SLC75A1: variants seen among roughly 807,000 people sequenced by gnomAD.
SLC75A1 encodes the protein major facilitator superfamily domain containing 10.
chr4:2,933,296 C>T, the SLC75A1 span: 1 of 1,327,942 alleles, frequency 7.5e-7, no homozygotes, highest in Non-Finnish European at 1.1e-6. Flanking sequence ...CAGCCCCGTC[C>T]TGAGGGTCCA....
the SLC75A1 span, chr4:2,933,867 C>T: frequency 3.2e-6 from 5 of 1,584,122 alleles, no homozygotes; most frequent in African/African-American, 4.0e-5. Flanking sequence ...GGCGCTCCGG[C>T]GGCTGCTGGT....
At chr4:2,932,891 C>T in the SLC75A1 span, 3 of 1,226,264 alleles carry the variant, frequency 2.4e-6, no homozygotes, top group Non-Finnish European at 3.3e-6. Context: ...CACTTGCGTT[C>T]TCAGTGCCTT....
At chr4:2,931,942 G>C in the SLC75A1 span, 1 of 1,605,458 alleles carries the variant, frequency 6.2e-7, no homozygotes, top group Non-Finnish European at 8.5e-7. Flanking sequence ...GAGCCCTGGG[G>C]AGAGGTGGCG....
chr4:2,933,607 C>A, the SLC75A1 span: 1 of 1,613,678 alleles, frequency 6.2e-7, no homozygotes, highest in South Asian at 1.1e-5. Context: ...CCACTGGCAT[C>A]CCGATGGCGG....
At chr4:2,931,788 C>T in the SLC75A1 span, 10 of 1,559,996 alleles carry the variant, frequency 6.4e-6, no homozygotes, top group Middle Eastern at 1.7e-4. Flanking sequence ...GGCGTTATTT[C>T]AGGGAGACAG....
At chr4:2,930,858 GT>G in the SLC75A1 span, 3 of 1,613,124 alleles carry the variant, frequency 1.9e-6, no homozygotes, top group Non-Finnish European at 2.5e-6. Context: ...TTGAGCGTCT[GT>G]GCCGGGTAAC....
chr4:2,931,915 A>T, the SLC75A1 span: 1 of 1,609,988 alleles, frequency 6.2e-7, no homozygotes, highest in Non-Finnish European at 8.5e-7. Flanking sequence ...GACTAGGCCC[A>T]GGCGGCGCAG....
At chr4:2,934,112 C>CA in the SLC75A1 span, 2 of 643,244 alleles carry the variant, frequency 3.1e-6, no homozygotes, top group Non-Finnish European at 5.3e-6. Context: ...GCCCCGAACC[C>CA]AGGCAGCAGG....
chr4:2,930,733 C>T, the SLC75A1 span: 3 of 1,342,412 alleles, frequency 2.2e-6, no homozygotes, highest in Non-Finnish European at 3.0e-6. Flanking sequence ...CCCCCACCCA[C>T]AGGGTCTCCC....
the SLC75A1 span, chr4:2,930,647 G>C: frequency 1.6e-6 from 1 of 619,640 alleles, no homozygotes; most frequent in Non-Finnish European, 2.9e-6. Flanking sequence ...GACAGCCTTG[G>C]AGTGCTGCAG....
At chr4:2,932,642 G>C in the SLC75A1 span, 6 of 1,612,894 alleles carry the variant, frequency 3.7e-6, no homozygotes, top group East Asian at 4.5e-5. Context: ...GGTCAGCAAC[G>C]ATGGCCGTGG....
At chr4:2,931,979 G>A in the SLC75A1 span, 5 of 1,601,786 alleles carry the variant, frequency 3.1e-6, no homozygotes, top group East Asian at 2.2e-5. Context: ...CCACAGCAGG[G>A]AAGGGCGCCG....
the SLC75A1 span, chr4:2,933,169 A>G: frequency 3.7e-6 from 6 of 1,613,610 alleles, no homozygotes; most frequent in South Asian, 6.6e-5. Context: ...TGAGTGGCGC[A>G]CACAGAAACT....
the SLC75A1 span, chr4:2,932,081 C>CGCT: frequency 6.2e-7 from 1 of 1,611,050 alleles, no homozygotes; most frequent in East Asian, 2.2e-5. Flanking sequence ...CGAGCGACAG[C>CGCT]CGAGAAGCGC....
chr4:2,933,135 C>G, the SLC75A1 span: 79 of 1,613,556 alleles, frequency 4.9e-5, no homozygotes, highest in Non-Finnish European at 5.7e-5. Context: ...GGGCGCCTCC[C>G]CAAGCAGTCA....
chr4:2,931,996 G>A, the SLC75A1 span: 1 of 1,604,408 alleles, frequency 6.2e-7, no homozygotes, highest in East Asian at 2.2e-5. Flanking sequence ...GCCGCCCGGG[G>A]AAGCCCAGGG....
At chr4:2,933,830 G>A in the SLC75A1 span, 1 of 1,590,648 alleles carries the variant, frequency 6.3e-7, no homozygotes, top group Non-Finnish European at 8.6e-7. Context: ...TCCAGCAGGA[G>A]GCCGAGAAAG....
At chr4:2,933,238 C>T in the SLC75A1 span, 4 of 1,600,364 alleles carry the variant, frequency 2.5e-6, no homozygotes, top group South Asian at 3.3e-5. Context: ...CATCATGGGG[C>T]TGCCTGGCAC....
chr4:2,931,336 G>C, the SLC75A1 span: 11 of 1,543,496 alleles, frequency 7.1e-6, no homozygotes, highest in Non-Finnish European at 9.6e-6. Context: ...CCCAGCCCCT[G>C]CTGCCCATCG....
Sources: allele counts gnomAD v4.1 joint callset, GRCh38; gene constraint gnomAD v4.1.1; transcripts MANE v1.5; gene names NCBI Gene and HGNC (gene_info 2026-07-23, HGNC 2026-07-21).